CD247: variants seen among roughly 807,000 people sequenced by gnomAD.
CD247 encodes the protein T-cell surface glycoprotein CD3 zeta chain.
CD247 carries 13 observed loss-of-function variants against 30.0 expected under a neutral mutation model. The observed-to-expected ratio is 0.43, with a 90% confidence interval of 0.28 to 0.69. CD247 has a LOEUF of 0.69. CD247 is among the 30% of genes least tolerant of loss of function. The pLI, the probability that CD247 is intolerant of heterozygous loss-of-function variation, is 0.16. For missense variants in CD247, 193 were observed against 212.6 expected (o/e 0.91, Z 0.57); for synonymous variants, 72 against 80.0 (o/e 0.90, Z 0.53).
chr1:167,505,036 A>G (rs1041451947), intron 1 of CD247, among the ~76,000 whole-genome samples: 1 of 152,232 alleles, frequency 6.6e-6, no homozygotes, highest in East Asian at 1.9e-4. Flanking sequence ...TATTCTACCT[A>G]TATTTACATA....
rs1032964017 is a variant in CD247, at chr1:167,494,725, C to T, written c.58+23683G>A. ...TGCATTCCTCGGCATTTTGTATCTC[C>T]TATAATTCCTGGATACAGATAAATG... is the stretch of plus-strand genomic sequence containing the variant. On this transcript the variant is annotated intron_variant, in intron 1 of 7. Transcript: ENST00000362089. This position sits in a 1 kb window ranked among gnomAD's most constrained non-coding sequence, Gnocchi z 7.3. 1.3e-5 allele frequency among the ~76,000 whole-genome samples: 2 copies of T among 152,140 alleles called. No homozygotes were observed. The highest frequency in any genetic ancestry group is 4.8e-5 in the African/African-American group (2 of 41,398).
intron 1 of CD247, among the ~76,000 whole-genome samples, chr1:167,479,203 C>T (rs551493491): frequency 3.9e-5 from 6 of 152,182 alleles, no homozygotes; most frequent in Non-Finnish European, 7.3e-5. Flanking sequence ...AAAATGCAGA[C>T]TGGAGGGAAA....
At chr1:167,449,061 C>G (rs953208563) in intron 1 of CD247, among the ~76,000 whole-genome samples, 1 of 150,606 alleles carries the variant, frequency 6.6e-6, no homozygotes, top group African/African-American at 2.4e-5. Context: ...AGGGGTAGCG[C>G]TTTATGAGCA....
chr1:167,457,277 G>GT (rs1169875560), intron 1 of CD247: 3 of 152,344 alleles, frequency 2.0e-5, no homozygotes, highest in Non-Finnish European at 1.5e-5. Flanking sequence ...GAAGTGGGAG[G>GT]TGGGGGACCT....
intron 1 of CD247, among the ~76,000 whole-genome samples, chr1:167,444,856 C>T (rs530713219): frequency 5.9e-5 from 9 of 152,182 alleles, no homozygotes; most frequent in African/African-American, 1.4e-4. Context: ...TCTAAGCCTT[C>T]GTTTTCTCAT....
Position 167,502,302 on chromosome 1 carries a change from A to G in CD247, c.58+16106T>C, listed in dbSNP as rs952826106. 4.3e-4 allele frequency among the ~76,000 whole-genome samples: 65 copies of G among 152,222 alleles called. 1 individual carries two copies. Among genetic ancestry groups the G allele is most frequent in the Non-Finnish European group, 3.5e-4 (24 of 68,030 alleles). ...AAACGAATAAATTGAGCCACCCTAGAAACAACTCCCCCAGATAGTCTTGGA... is the reference window on the plus strand; with the variant it reads ...AAACGAATAAATTGAGCCACCCTAGGAACAACTCCCCCAGATAGTCTTGGA... On this transcript the variant is annotated intron_variant, in intron 1 of 7. Coordinates refer to ENST00000362089, the MANE Select transcript of CD247 (RefSeq NM_198053.3).
intron 5 of CD247, chr1:167,434,847 A>G: frequency 2.2e-6 from 1 of 460,802 alleles, no homozygotes; most frequent in South Asian, 1.5e-5. Flanking sequence ...ACTCGATCCA[A>G]GAAGGGAAGG....
In CD247 at chr1:167,473,177, C is replaced by G. The variant is rs73030149; in HGVS notation, c.59-32410G>C. On this transcript the variant is annotated intron_variant, in intron 1 of 7. Coordinates refer to ENST00000362089, the MANE Select transcript of CD247 (RefSeq NM_198053.3). Reference sequence around the variant, plus strand: ...TATTCTGAGGCCTTTCCTTGAAGAGCTGTGGTTCTGTGTTCACACTCCCTC... The same window carrying G: ...TATTCTGAGGCCTTTCCTTGAAGAGGTGTGGTTCTGTGTTCACACTCCCTC... Among the ~76,000 whole-genome samples, 901 of 152,020 alleles carry G rather than the reference C, an allele frequency of 5.9e-3. 7 individuals are homozygous for G. Among genetic ancestry groups the G allele is most frequent in the African/African-American group, 0.021 (857 of 41,456 alleles).
chr1:167,452,649 A>C (rs1652409829), intron 1 of CD247, among the ~76,000 whole-genome samples: 1 of 152,172 alleles, frequency 6.6e-6, no homozygotes, highest in Non-Finnish European at 1.5e-5. Context: ...GAGGTGGGCA[A>C]GGAAACAAAT....
intron 4 of CD247, among the ~76,000 whole-genome samples, 199 bp from the exon 5 acceptor site, chr1:167,435,633 T>C (rs1331628269): frequency 6.6e-6 from 1 of 152,186 alleles, no homozygotes; most frequent in Non-Finnish European, 1.5e-5. Context: ...CTTGGTTACC[T>C]GCAACTGGAT....
At chr1:167,493,993 C>T (rs1179746861) in intron 1 of CD247, among the ~76,000 whole-genome samples, 1 of 152,124 alleles carries the variant, frequency 6.6e-6, no homozygotes, top group Non-Finnish European at 1.5e-5. Context: ...TCTGCAGGTG[C>T]AGCCTCCGGG....
At chr1:167,446,037 T>C (rs533376386) in intron 1 of CD247, among the ~76,000 whole-genome samples, 41 of 152,276 alleles carry the variant, frequency 2.7e-4, no homozygotes, top group Admixed American at 6.5e-4. Flanking sequence ...ATGAAGCAAC[T>C]TCACCAAGGA....
At chr1:167,473,155 T>C (rs1459957073) in intron 1 of CD247, among the ~76,000 whole-genome samples, 1 of 151,594 alleles carries the variant, frequency 6.6e-6, no homozygotes, top group African/African-American at 2.4e-5. Context: ...GGAGATCTAT[T>C]CTGAGGCCTT....
At position 167,497,189 on chromosome 1, in the gene CD247, C is replaced by T. The variant is rs1654727774; in HGVS notation, c.58+21219G>A. ...AGGGAGAGATGACCATGATTTATTG[C>T]TAAGTAAAAAGAACAGTTACGAAAT... On this transcript the variant is annotated intron_variant, in intron 1 of 7. Coordinates refer to ENST00000362089, the MANE Select transcript of CD247 (RefSeq NM_198053.3). Among the ~76,000 whole-genome samples, 3 of 152,192 alleles carry T rather than the reference C, an allele frequency of 2.0e-5. No homozygotes were observed. The South Asian group carries it at 6.2e-4, about 32-fold the overall frequency.
Position 167,437,174 on chromosome 1 carries a change from G to A in CD247, c.300+1396C>T, listed in dbSNP as rs543501351. On this transcript the variant is annotated intron_variant, in intron 4 of 7. Coordinates refer to ENST00000362089, the MANE Select transcript of CD247 (RefSeq NM_198053.3). ...TCGCAGCACTTTGGTTGGCTGAGGC[G>A]GGCAGATCACTTGAGGTCGAAAGTT... 3.9e-5 allele frequency among the ~76,000 whole-genome samples: 6 copies of A among 152,156 alleles called. No homozygotes were observed. In the East Asian group the frequency reaches 5.8e-4, roughly 15 times the overall value.
intron 1 of CD247, among the ~76,000 whole-genome samples, chr1:167,487,864 G>A (rs1654280223): frequency 6.6e-6 from 1 of 152,168 alleles, no homozygotes; most frequent in Admixed American, 6.5e-5. Flanking sequence ...CTGAGTAGCT[G>A]GGATTACAAG....
rs574336074 is a variant in CD247 at position 167,494,114 on chromosome 1, AG to A, written c.58+24293del. Among the ~76,000 whole-genome samples, 225 of 152,124 alleles carry A rather than the reference AG, an allele frequency of 1.5e-3. 1 individual carries two copies. Among genetic ancestry groups the A allele is most frequent in the African/African-American group, 5.1e-3 (210 of 41,480 alleles). ...TCTGGACTGGGTACCCAGAGCTAAT[AG>A]GAGAAGAGGACAAGCAGGGGGACAG... On this transcript the variant is annotated intron_variant, in intron 1 of 7. Transcript: ENST00000362089. This position sits in a 1 kb window ranked among gnomAD's most constrained non-coding sequence, Gnocchi z 7.3.
At chr1:167,463,053 C>T (rs1267483622) in intron 1 of CD247, among the ~76,000 whole-genome samples, 2 of 152,184 alleles carry the variant, frequency 1.3e-5, no homozygotes, top group East Asian at 3.8e-4. Context: ...TTGCTTGATC[C>T]AGCTCTCTCT....
chr1:167,483,287 C>T (rs1045952110), intron 1 of CD247, among the ~76,000 whole-genome samples: 5 of 152,102 alleles, frequency 3.3e-5, no homozygotes, highest in African/African-American at 4.8e-5. Context: ...GGATTACAGG[C>T]GTGAACCACC....
Sources: gnomAD v4.1 joint callset for allele counts (sites outside exome capture counted in the v4.1 genomes callset) on GRCh38, gnomAD v4.1.1 for gene constraint, Gnocchi (gnomAD v3.1) non-coding constraint, MANE v1.5 for transcripts, NCBI Gene and HGNC (gene_info 2026-07-23, HGNC 2026-07-21) for gene names.